Variants in NTN1 observed in about 807,000 individuals in gnomAD.
The protein encoded by NTN1 is netrin 1, also known as netrin-1.
In NTN1, 11 loss-of-function variants were observed where a neutral mutation model predicts 54.2. That is an observed-to-expected ratio of 0.20 (90% CI 0.13 to 0.34). The LOEUF is 0.34. Among genes scored for constraint, NTN1 ranks in the 10% least tolerant of loss-of-function variants. The probability of loss-of-function intolerance (pLI) is 1.00; values close to 1 mark genes in which losing one functional copy is unlikely to be tolerated. For missense variants in NTN1, 740 were observed against 893.1 expected (o/e 0.83, Z 2.18); for synonymous variants, 371 against 382.0 (o/e 0.97, Z 0.33).
In NTN1 at chr17:9,221,082, G is replaced by GGAGGC; in HGVS notation, c.1412-84_1412-80dup. ...GTATCACAGGCCTCTGGCTATTTAG[G>GGAGGC]GAGGCGGCCTCCTACTCTGCCCGCC... On this transcript the variant is annotated intron_variant, in intron 5 of 6. Coordinates refer to ENST00000173229, the MANE Select transcript of NTN1 (RefSeq NM_004822.3). The surrounding 1 kb of genome is among the most constrained non-coding windows in gnomAD (Gnocchi z 4.5). 1 of 979,844 alleles carries GGAGGC rather than the reference G, an allele frequency of 1.0e-6. No individual in the cohort carries two copies. The highest frequency in any genetic ancestry group is 1.7e-6 in the Non-Finnish European group (1 of 604,490). 60.7% of individuals were successfully genotyped at this position (979,844 alleles called of 1,614,324 possible). A position where few individuals can be genotyped will look rare whatever the true frequency, so the allele number is the denominator to read the frequency against.
chr17:9,235,327 T>C (rs1212495535), intron 6 of NTN1, among the ~76,000 whole-genome samples: 4 of 152,230 alleles, frequency 2.6e-5, no homozygotes, highest in Admixed American at 2.6e-4. Flanking sequence ...CCTCACCGTC[T>C]GCCTTTCTGA....
chr17:9,069,290 A>T (rs1038942888), intron 2 of NTN1, among the ~76,000 whole-genome samples: 4 of 151,974 alleles, frequency 2.6e-5, no homozygotes, highest in South Asian at 2.1e-4. Context: ...CAACTAGTTT[A>T]TAGCTATGGG....
intron 2 of NTN1, among the ~76,000 whole-genome samples, chr17:9,070,792 A>G (rs1312806763): frequency 2.6e-5 from 4 of 152,076 alleles, no homozygotes; most frequent in African/African-American, 7.2e-5. Flanking sequence ...GGGTTTCACC[A>G]TGTTGGCCAG....
intron 5 of NTN1, among the ~76,000 whole-genome samples, chr17:9,218,915 GAAA>G (rs58849878): frequency 3.5e-5 from 5 of 141,170 alleles, no homozygotes; most frequent in Admixed American, 2.8e-4. Flanking sequence ...TGGCTTTTGT[GAAA>G]AAAAAAAAAA....
rs558573930 is a variant in NTN1, at chr17:9,133,674, A to T, written c.1019-29139A>T. ...ACAATCTCGGCTCACTGCAACCTCCACCTCCCGGGTTCAAGCGATTCTCCT... is the reference window on the plus strand; with the variant it reads ...ACAATCTCGGCTCACTGCAACCTCCTCCTCCCGGGTTCAAGCGATTCTCCT... On this transcript the variant is annotated intron_variant, in intron 2 of 6. Transcript: ENST00000173229. 2.6e-5 allele frequency among the ~76,000 whole-genome samples: 3 copies of T among 115,986 alleles called. No individual in the cohort carries two copies. In the East Asian group the frequency reaches 7.1e-4, roughly 28 times the overall value. The allele number at this position is 115,986 out of a possible 152,430, so 76.1% of individuals were successfully genotyped here.
intron 5 of NTN1, among the ~76,000 whole-genome samples, chr17:9,193,961 C>G (rs68169919): frequency 7.5e-6 from 1 of 132,680 alleles, no homozygotes; most frequent in African/African-American, 2.8e-5. Flanking sequence ...GCAGGTTGGG[C>G]GCAGAGGCTC....
chr17:9,146,396 AT>A (rs869190540), intron 2 of NTN1, among the ~76,000 whole-genome samples: 1 of 151,056 alleles, frequency 6.6e-6, no homozygotes, highest in South Asian at 2.1e-4. Context: ...TGTTCTCTGC[AT>A]TTTCTTTCTT....
chr17:9,028,915 G>A (rs7216356), intron 2 of NTN1, among the ~76,000 whole-genome samples: 24,656 of 151,982 alleles, frequency 0.16, 2,162 homozygotes, highest in African/African-American at 0.19. Context: ...GCACAAATAC[G>A]GATATTTTGT....
chr17:9,209,793 T>A (rs1443624794), intron 5 of NTN1, among the ~76,000 whole-genome samples: 2 of 152,168 alleles, frequency 1.3e-5, no homozygotes, highest in Non-Finnish European at 2.9e-5. Context: ...ATAGTTGCAG[T>A]CCCTGAGACA....
At chr17:9,236,696 C>T (rs1351584177) in intron 6 of NTN1, among the ~76,000 whole-genome samples, 2 of 152,194 alleles carry the variant, frequency 1.3e-5, no homozygotes, top group African/African-American at 4.8e-5. Context: ...GACCACTGTC[C>T]ATTGCTCTAT....
intron 2 of NTN1, among the ~76,000 whole-genome samples, chr17:9,028,934 A>AT (rs796665047): frequency 2.0e-5 from 3 of 150,146 alleles, no homozygotes; most frequent in Admixed American, 6.7e-5. Flanking sequence ...GTGAGCCAAT[A>AT]TTTTTTTTTT....
chr17:9,166,307 T>G (rs958200345), intron 3 of NTN1, among the ~76,000 whole-genome samples: 6 of 151,722 alleles, frequency 4.0e-5, no homozygotes, highest in Non-Finnish European at 7.4e-5. Flanking sequence ...GCTTCTGAAA[T>G]TTTGTAGATG....
rs1215610262 is a variant in NTN1, at chr17:9,221,021, C to G, written c.1412-147C>G. ...GCCTCTTTAGAAGCGCAGGCCTTTCCTGAATGGCCGCCTGCCCGCCCGGCC... is the reference window on the plus strand; with the variant it reads ...GCCTCTTTAGAAGCGCAGGCCTTTCGTGAATGGCCGCCTGCCCGCCCGGCC... On this transcript the variant is annotated intron_variant, in intron 5 of 6. Transcript: ENST00000173229. This position sits in a 1 kb window ranked among gnomAD's most constrained non-coding sequence, Gnocchi z 4.5. The G allele has an allele frequency of 1.4e-6, 1 of 717,756 alleles. No individual in the cohort carries two copies. The highest frequency in any genetic ancestry group is 2.0e-5 in the Admixed American group (1 of 49,618). 44.5% of individuals were successfully genotyped at this position (717,756 alleles called of 1,614,324 possible). A position where few individuals can be genotyped will look rare whatever the true frequency, so the allele number is the denominator to read the frequency against.
intron 2 of NTN1, among the ~76,000 whole-genome samples, chr17:9,061,791 C>T (rs879593144): frequency 1.6e-4 from 25 of 152,298 alleles, no homozygotes; most frequent in Admixed American, 1.6e-3. Flanking sequence ...GAAACCTCCA[C>T]CTCCCGGGTT....
At chr17:9,184,034 C>G (rs1379157121) in intron 5 of NTN1, among the ~76,000 whole-genome samples, 1 of 152,150 alleles carries the variant, frequency 6.6e-6, no homozygotes, top group African/African-American at 2.4e-5. Flanking sequence ...TTTGCCTCCC[C>G]CAGAAAGGAC....
At chr17:9,224,677 C>T (rs1905475578) in intron 6 of NTN1, among the ~76,000 whole-genome samples, 1 of 152,248 alleles carries the variant, frequency 6.6e-6, no homozygotes, top group Admixed American at 6.5e-5. Context: ...GCCCTGTGTG[C>T]TCACCTTTCT....
intron 6 of NTN1, among the ~76,000 whole-genome samples, chr17:9,222,926 T>A (rs1015185745): frequency 1.1e-4 from 17 of 152,190 alleles, no homozygotes; most frequent in Admixed American, 9.8e-4. Flanking sequence ...GCACACTCCC[T>A]ACGCACACAC....
At chr17:9,032,960 T>C (rs2091892391) in intron 2 of NTN1, among the ~76,000 whole-genome samples, 1 of 150,556 alleles carries the variant, frequency 6.6e-6, no homozygotes, top group Non-Finnish European at 1.5e-5. Flanking sequence ...ATCAATCCTT[T>C]TTTTTTTTTT....
intron 4 of NTN1, among the ~76,000 whole-genome samples, chr17:9,182,124 C>A (rs1237310055): frequency 6.6e-6 from 1 of 152,152 alleles, no homozygotes; most frequent in Admixed American, 6.5e-5. Context: ...ACTACAGGTG[C>A]GTGCCACCAC....
Sources: allele counts gnomAD v4.1 joint callset (sites outside exome capture counted in the v4.1 genomes callset), GRCh38; gene constraint gnomAD v4.1.1; non-coding constraint Gnocchi (gnomAD v3.1); transcripts MANE v1.5; gene names NCBI Gene and HGNC (gene_info 2026-07-23, HGNC 2026-07-21).